Variants in PRDM10 observed in about 807,000 individuals in gnomAD.
PRDM10 encodes the protein PR/SET domain 10.
PRDM10 carries 65 observed loss-of-function variants against 133.1 expected under a neutral mutation model. The observed-to-expected ratio is 0.49, with a 90% CI of 0.40 to 0.60. The LOEUF is 0.60. PRDM10 is among the 20% of genes least tolerant of loss of function. The pLI, the probability that PRDM10 is intolerant of heterozygous loss-of-function variation, is 0.00. For missense variants in PRDM10, 1,137 were observed against 1,507.1 expected, an observed-to-expected ratio of 0.75 and a Z score of 4.07; for synonymous variants, 582 against 580.4, an observed-to-expected ratio of 1.00 and a Z score of -0.04.
intron 9 of PRDM10, among the ~76,000 whole-genome samples, chr11:129,934,190 G>A (rs1950957667): frequency 6.6e-6 from 1 of 152,230 alleles, no homozygotes; most frequent in Non-Finnish European, 1.5e-5. Flanking sequence ...CTCTGCACCA[G>A]CATCCCTGCA....
intron 1 of PRDM10, among the ~76,000 whole-genome samples, chr11:129,962,702 A>G (rs1951819514): frequency 6.6e-6 from 1 of 152,242 alleles, no homozygotes; most frequent in Non-Finnish European, 1.5e-5. Context: ...TTACATTTAA[A>G]TTATACCCTA....
chr11:129,931,573 T>TA (rs1555106427), intron 10 of PRDM10, among the ~76,000 whole-genome samples: 39 of 144,344 alleles, frequency 2.7e-4, no homozygotes, highest in African/African-American at 1.1e-3. Flanking sequence ...TTTATTTTAT[T>TA]TTATTTTTTT....
chr11:129,979,065 C>T (rs55691920), intron 1 of PRDM10, among the ~76,000 whole-genome samples: 28,067 of 152,042 alleles, frequency 0.18, 2,816 homozygotes, highest in African/African-American at 0.27. Flanking sequence ...ACATTCAGTG[C>T]GAGTTCTAAA....
rs1199779377 is a variant in PRDM10 at position 129,900,905 on chromosome 11, T to C, written c.*1408A>G. ...ACAGAATTGTTCACTTTTCAGAAAA[T>C]TGTCTTTATCATAAAGAAGCTACTC... On this transcript the variant is annotated 3_prime_UTR_variant, in exon 21 of 21. Transcript: ENST00000360871. 10 of 152,762 alleles carry C rather than the reference T, an allele frequency of 6.5e-5. No individual in the cohort carries two copies. In the East Asian group the frequency reaches 1.9e-3, roughly 29 times the overall value. 9.5% of individuals were successfully genotyped at this position (152,762 alleles called of 1,614,324 possible). A position where few individuals can be genotyped will look rare whatever the true frequency, so the allele number is the denominator to read the frequency against.
intron 7 of PRDM10, among the ~76,000 whole-genome samples, chr11:129,942,052 T>C (rs1951226087): frequency 6.6e-6 from 1 of 152,130 alleles, no homozygotes; most frequent in African/African-American, 2.4e-5. Flanking sequence ...CCCGCCACCA[T>C]GCTCGGCTAA....
At chr11:129,962,825 A>G (rs2135928417) in intron 1 of PRDM10, among the ~76,000 whole-genome samples, 1 of 152,288 alleles carries the variant, frequency 6.6e-6, no homozygotes, top group South Asian at 2.1e-4. Flanking sequence ...TATCTCAACA[A>G]AGCCATTATT....
chr11:129,915,152 C>G (rs1282725145), intron 16 of PRDM10, 134 bp from the exon 17 acceptor site: 2 of 879,618 alleles, frequency 2.3e-6, no homozygotes, highest in African/African-American at 3.4e-5. Flanking sequence ...AACACTGACT[C>G]TATGCCTGTA....
intron 13 of PRDM10, among the ~76,000 whole-genome samples, chr11:129,920,561 C>A (rs1461932683): frequency 1.3e-5 from 2 of 151,996 alleles, no homozygotes; most frequent in Non-Finnish European, 2.9e-5. Flanking sequence ...GCACAGCGCG[C>A]TAGCTTAACC....
intron 1 of PRDM10, among the ~76,000 whole-genome samples, chr11:129,969,061 G>A (rs1951963353): frequency 6.6e-6 from 1 of 152,198 alleles, no homozygotes; most frequent in Non-Finnish European, 1.5e-5. Context: ...CCGCTGCACA[G>A]CTAGCAAAAA....
At chr11:129,954,498 C>A (rs1951658968) in intron 4 of PRDM10, among the ~76,000 whole-genome samples, 3 of 151,980 alleles carry the variant, frequency 2.0e-5, no homozygotes, top group Non-Finnish European at 4.4e-5. Context: ...CTCCTGACCT[C>A]AATTGATCCG....
intron 11 of PRDM10, among the ~76,000 whole-genome samples, chr11:129,926,225 T>G (rs1255318900): frequency 6.6e-6 from 1 of 152,218 alleles, no homozygotes; most frequent in African/African-American, 2.4e-5. Flanking sequence ...GTACGGGTAC[T>G]CAGTGCAAAC....
At chr11:129,968,018 C>G (rs1374285084) in intron 1 of PRDM10, among the ~76,000 whole-genome samples, 1 of 152,126 alleles carries the variant, frequency 6.6e-6, no homozygotes, top group African/African-American at 2.4e-5. Context: ...GGAGCTCCTG[C>G]CTTCATCAGC....
chr11:130,001,427 G>A (rs764172305), intron 1 of PRDM10, among the ~76,000 whole-genome samples: 1 of 152,276 alleles, frequency 6.6e-6, no homozygotes, highest in Middle Eastern at 3.4e-3. Context: ...GTTAAGTACT[G>A]CTAAGTTTAG....
In PRDM10 at chr11:129,906,997, A is replaced by T. The variant is rs574535004; in HGVS notation, c.3164-1256T>A. On this transcript the variant is annotated intron_variant, in intron 19 of 20. Coordinates refer to ENST00000360871, the MANE Select transcript of PRDM10 (RefSeq NM_199437.2). ...CATTTCAAAAAGAAAAAGAAAAAAA[A>T]AAAAAGAATATCACGACTTTGCAGC... 9.5e-4 allele frequency among the ~76,000 whole-genome samples: 144 copies of T among 152,000 alleles called. No homozygotes were observed. The Middle Eastern group carries it at 0.01, about 11-fold the overall frequency.
intron 4 of PRDM10, among the ~76,000 whole-genome samples, chr11:129,950,513 T>C (rs1055399893): frequency 2.6e-5 from 4 of 152,232 alleles, no homozygotes; most frequent in Non-Finnish European, 5.9e-5. Context: ...AAAAACAGCA[T>C]AAAATGCCCT....
chr11:129,912,152 T>G lies in PRDM10; in HGVS notation c.2915A>C (p.Gln972Pro), dbSNP rs11606321. ...GQLHDPQPYP[Q>P]HAIQVQHIQV... ...GATGTGCTGCACCTGGATGGCGTGC[T>G]GGGGGTAGGGCTGAGGATCATGGAG... is the stretch of plus-strand genomic sequence containing the variant. Residue 972 changes from glutamine to proline, a missense_variant, in exon 18 of 21, where the codon CAG (glutamine) becomes CCG (proline). Coordinates refer to ENST00000360871, the MANE Select transcript of PRDM10 (RefSeq NM_199437.2). The G allele has an allele frequency of 6.2e-7, 1 of 1,612,742 alleles. No individual in the cohort carries two copies. The highest frequency in any genetic ancestry group is 2.2e-5 in the East Asian group (1 of 44,724).
chr11:130,001,988 G>C (rs949781026), intron 1 of PRDM10, among the ~76,000 whole-genome samples: 17 of 151,368 alleles, frequency 1.1e-4, no homozygotes, highest in African/African-American at 3.6e-4. Context: ...ACGCTAGCTT[G>C]GGAAGGCAGG....
intron 8 of PRDM10, 85 bp from the exon 9 acceptor site, chr11:129,935,303 A>G: frequency 1.0e-6 from 1 of 959,824 alleles, no homozygotes; most frequent in Non-Finnish European, 1.7e-6. Flanking sequence ...CACCATTCTT[A>G]TCTTGCTGCA....
intron 1 of PRDM10, among the ~76,000 whole-genome samples, chr11:129,999,730 C>A (rs1939243573): frequency 6.6e-6 from 1 of 152,120 alleles, no homozygotes; most frequent in African/African-American, 2.4e-5. Context: ...TGTTTGTTAT[C>A]CAGAAGCCTA....
Sources: allele counts gnomAD v4.1 joint callset (sites outside exome capture counted in the v4.1 genomes callset), GRCh38; gene constraint gnomAD v4.1.1; transcripts MANE v1.5; gene names NCBI Gene and HGNC (gene_info 2026-07-23, HGNC 2026-07-21).